The following PIK3R4 variants were observed in gnomAD, a reference collection of about 807,000 sequenced individuals.
The protein encoded by PIK3R4 is phosphoinositide 3-kinase regulatory subunit 4.
A neutral mutation model predicts 136.5 loss-of-function variants in PIK3R4; 46 were observed. The observed-to-expected ratio is 0.34, with a 90% CI of 0.27 to 0.43. PIK3R4 has a LOEUF of 0.43. Ranked by LOEUF, PIK3R4 falls within the 20% of genes least tolerant of loss-of-function variation. The pLI is 1.00. For missense variants in PIK3R4, 1,331 were observed against 1,649.5 expected (o/e 0.81, Z 3.35); for synonymous variants, 557 against 566.7 (o/e 0.98, Z 0.24).
intron 6 of PIK3R4, among the ~76,000 whole-genome samples, chr3:130,726,683 T>C (rs933275108): frequency 6.6e-6 from 1 of 152,118 alleles, no homozygotes; most frequent in Non-Finnish European, 1.5e-5. Flanking sequence ...GTTTCCGTAT[T>C]TTCCAAATTT....
chr3:130,714,542 G>GAT (rs1033499729), intron 9 of PIK3R4, among the ~76,000 whole-genome samples: 2 of 152,100 alleles, frequency 1.3e-5, no homozygotes, highest in African/African-American at 4.8e-5. Context: ...TTGTTACATG[G>GAT]ATATACGTGT....
chr3:130,722,141 AG>A (rs1224157480), intron 7 of PIK3R4, among the ~76,000 whole-genome samples: 1 of 151,016 alleles, frequency 6.6e-6, no homozygotes, highest in Admixed American at 6.7e-5. Context: ...GGTGTTTCTA[AG>A]TTACTAAAAT....
chr3:130,694,248 T>C (rs1356915846), intron 13 of PIK3R4, among the ~76,000 whole-genome samples: 3 of 152,068 alleles, frequency 2.0e-5, no homozygotes, highest in African/African-American at 7.2e-5. Context: ...AATATTGTTT[T>C]GGTTATTCTG....
chr3:130,679,614 C>T, intron 19 of PIK3R4, 129 bp from the exon 20 acceptor site: 1 of 603,494 alleles, frequency 1.7e-6, no homozygotes, highest in Non-Finnish European at 2.9e-6. Context: ...GTCATGCTTT[C>T]ACGAATACAT....
chr3:130,690,239 C>G (rs948999230), intron 14 of PIK3R4, among the ~76,000 whole-genome samples: 2 of 152,164 alleles, frequency 1.3e-5, no homozygotes, highest in African/African-American at 4.8e-5. Flanking sequence ...GCCCCTTTGA[C>G]CTCTTGACAA....
chr3:130,734,185 C>A (rs1244885001), intron 3 of PIK3R4, 55 bp from the exon 4 acceptor site: 12 of 1,415,756 alleles, frequency 8.5e-6, no homozygotes, highest in South Asian at 8.1e-5. Context: ...AAAAGTAAAC[C>A]AGATGAAAGC....
intron 13 of PIK3R4, among the ~76,000 whole-genome samples, chr3:130,691,015 C>T (rs2066515305): frequency 2.6e-5 from 4 of 151,734 alleles, no homozygotes; most frequent in Admixed American, 2.6e-4. Context: ...GTGATCCTCC[C>T]ACCTCAGCTA....
intron 14 of PIK3R4, among the ~76,000 whole-genome samples, chr3:130,689,984 C>A (rs995545787): frequency 7.2e-5 from 11 of 152,186 alleles, no homozygotes; most frequent in African/African-American, 2.7e-4. Context: ...AAAACCACCG[C>A]TATTTTGTTT....
At chr3:130,729,303 A>G (rs2066749868) in intron 5 of PIK3R4, among the ~76,000 whole-genome samples, 1 of 152,168 alleles carries the variant, frequency 6.6e-6, no homozygotes, top group Admixed American at 6.5e-5. Context: ...ATTCACCACC[A>G]TGCTCTAGTG....
At chr3:130,698,640 T>G (rs552858924) in intron 13 of PIK3R4, among the ~76,000 whole-genome samples, 1 of 152,334 alleles carries the variant, frequency 6.6e-6, no homozygotes. Context: ...GCACATATTT[T>G]TAATAGCTGA....
chr3:130,723,283 ACCCACACAATCAATAGTAGGAAC>A, intron 7 of PIK3R4, 108 bp downstream of exon 7: 2 of 732,222 alleles, frequency 2.7e-6, no homozygotes. Flanking sequence ...ACACATGCAC[ACCCACACAATCAATAGTAGGAAC>A]CCCACACAAT....
chr3:130,680,603 A>G lies in PIK3R4; in HGVS notation c.3906+10T>C, dbSNP rs776822080. ...TACAAAAGGTGAAAGGAATGAAAAG[A>G]CTACAGTACCTGGACAACTTCAGTG... On this transcript the variant is annotated intron_variant, in intron 19 of 19. Transcript: ENST00000356763. 6.2e-6 allele frequency: 9 copies of G among 1,446,572 alleles called. No homozygotes were observed. In the East Asian group the frequency reaches 2.0e-4, roughly 33 times the overall value. 89.6% of individuals were successfully genotyped at this position (1,446,572 alleles called of 1,614,324 possible). A position where few individuals can be genotyped will look rare whatever the true frequency, so the allele number is the denominator to read the frequency against.
In PIK3R4 at chr3:130,708,375, C is replaced by A. The variant is rs2066617156; in HGVS notation, c.2449G>T (p.Gly817Cys). ...QSHLHDSSQK[G>C]VIDLAALGIT... ...CCTAAAGCTGCCAAGTCAATTACAC[C>A]TTTCTGACTACTATCATGAAGATGG... Residue 817 changes from glycine (G) to cysteine (C), a missense_variant, in exon 10 of 20, where the codon GGT becomes TGT. Gly to Cys is a radical substitution (Grantham distance 159). Around this residue, in one of 2 missense-constraint regions of PIK3R4, gnomAD observed 1,180 missense variants for 1,407.0 expected, o/e 0.84. Transcript: ENST00000356763. The A allele has an allele frequency of 6.2e-6, 10 of 1,613,744 alleles. No homozygotes were observed. Among genetic ancestry groups the A allele is most frequent in the Non-Finnish European group, 8.5e-6 (10 of 1,179,708 alleles).
In PIK3R4 at chr3:130,686,157, T is replaced by C. The variant is rs962352351; in HGVS notation, c.3475+54A>G. The C allele has an allele frequency of 8.7e-6, 9 of 1,038,464 alleles. No homozygotes were observed. The Admixed American group carries it at 1.4e-4, about 16-fold the overall frequency. 64.3% of individuals were successfully genotyped at this position (1,038,464 alleles called of 1,614,324 possible). Reference sequence around the variant, plus strand: ...AAAAACTGATTTCACAAGACAGCAATTGCAGGCATTAGTGGCATTCAAAAC... The same window carrying C: ...AAAAACTGATTTCACAAGACAGCAACTGCAGGCATTAGTGGCATTCAAAAC... On this transcript the variant is annotated intron_variant, in intron 15 of 19. Coordinates refer to ENST00000356763, the MANE Select transcript of PIK3R4 (RefSeq NM_014602.3).
intron 10 of PIK3R4, among the ~76,000 whole-genome samples, chr3:130,707,676 T>G (rs563887482): frequency 6.6e-6 from 1 of 152,206 alleles, no homozygotes; most frequent in Non-Finnish European, 1.5e-5. Context: ...GCCTTCAAAA[T>G]CTAATGCTAG....
intron 10 of PIK3R4, 70 bp downstream of exon 10, chr3:130,708,221 T>C (rs961465713): frequency 5.9e-6 from 7 of 1,191,566 alleles, no homozygotes; most frequent in Non-Finnish European, 8.5e-6. Flanking sequence ...TTATTATTAA[T>C]TAGCTAAAAA....
intron 13 of PIK3R4, among the ~76,000 whole-genome samples, chr3:130,697,897 T>G (rs1347428608): frequency 6.6e-6 from 1 of 152,232 alleles, no homozygotes; most frequent in East Asian, 1.9e-4. Context: ...CCCTTTAGTA[T>G]TTCTTTTAGG....
chr3:130,727,577 T>C (rs569760597), intron 6 of PIK3R4, among the ~76,000 whole-genome samples: 1 of 152,332 alleles, frequency 6.6e-6, no homozygotes, highest in East Asian at 1.9e-4. Flanking sequence ...ACAGCCAAGC[T>C]TTCTATTGTG....
chr3:130,685,388 ATTGT>A (rs2066483759), intron 15 of PIK3R4, among the ~76,000 whole-genome samples: 1 of 152,206 alleles, frequency 6.6e-6, no homozygotes, highest in South Asian at 2.1e-4. Context: ...AATATATACA[ATTGT>A]TTGTCAAAAA....
Sources: gnomAD v4.1 joint callset for allele counts (sites outside exome capture counted in the v4.1 genomes callset) on GRCh38, gnomAD v4.1.1 for gene constraint, gnomAD v4.1.1 regional missense constraint, MANE v1.5 for transcripts, NCBI Gene and HGNC (gene_info 2026-07-23, HGNC 2026-07-21) for gene names.